The following AZIN1 variants were observed in gnomAD, a reference collection of about 807,000 sequenced individuals.
The protein encoded by AZIN1 is ornithine decarboxylase antizyme inhibitor.
In AZIN1, 12 loss-of-function variants were observed where a neutral mutation model predicts 47.4. The ratio of observed to expected loss-of-function variants is 0.25; its 90% CI spans 0.16 to 0.41. AZIN1 has a LOEUF of 0.41. AZIN1 is among the 10% of genes least tolerant of loss of function. The probability of loss-of-function intolerance (pLI) is 1.00; values close to 1 mark genes in which losing one functional copy is unlikely to be tolerated. For missense variants in AZIN1, 410 were observed against 532.4 expected (o/e 0.77, Z 2.26); for synonymous variants, 155 against 176.3 (o/e 0.88, Z 0.96).
At chr8:102,839,534 A>T in intron 4 of AZIN1, 116 bp downstream of exon 4, 1 of 697,684 alleles carries the variant, frequency 1.4e-6, no homozygotes, top group Non-Finnish European at 2.1e-6. Flanking sequence ...TTAAACAATT[A>T]TTTTGAAACT....
chr8:102,855,736 T>C (rs1813241309), intron 2 of AZIN1: 1 of 152,216 alleles, frequency 6.6e-6, no homozygotes. Context: ...TTTCAAATAA[T>C]ATTGTTGATC....
At chr8:102,843,063 CG>C (rs1563539666) in intron 3 of AZIN1, among the ~76,000 whole-genome samples, 1 of 151,616 alleles carries the variant, frequency 6.6e-6, no homozygotes, top group Non-Finnish European at 1.5e-5. Flanking sequence ...AAAAATTAGC[CG>C]GGTGTGGTGG....
chr8:102,841,414 A>G (rs890569691), intron 3 of AZIN1, among the ~76,000 whole-genome samples: 5 of 152,198 alleles, frequency 3.3e-5, no homozygotes, highest in African/African-American at 1.2e-4. Context: ...GGAATATTTC[A>G]AAGATTATAT....
intron 2 of AZIN1, among the ~76,000 whole-genome samples, chr8:102,856,246 GAGA>G (rs1391276258): frequency 2.0e-5 from 3 of 152,118 alleles, no homozygotes; most frequent in East Asian, 3.8e-4. Context: ...CATGCAAAAT[GAGA>G]AGATTACATG....
intron 4 of AZIN1, among the ~76,000 whole-genome samples, chr8:102,839,138 G>A (rs189305016): frequency 4.9e-4 from 75 of 152,248 alleles, no homozygotes; most frequent in East Asian, 1.5e-3. Flanking sequence ...ACGAGTACAG[G>A]TATGAGTCAC....
chr8:102,846,496 C>G (rs1812577235), intron 2 of AZIN1, among the ~76,000 whole-genome samples: 1 of 152,124 alleles, frequency 6.6e-6, no homozygotes, highest in African/African-American at 2.4e-5. Context: ...CCCTTAAAAC[C>G]ACAATGACGG....
chr8:102,859,234 T>C (rs1813477117), intron 1 of AZIN1: 1 of 152,202 alleles, frequency 6.6e-6, no homozygotes, highest in African/African-American at 2.4e-5. Flanking sequence ...AGATTCCAAA[T>C]AATGTACTAC....
Position 102,833,270 on chromosome 8 carries a change from G to T in AZIN1, c.742-52C>A, listed in dbSNP as rs551575367. On this transcript the variant is annotated intron_variant, in intron 8 of 11. Transcript: ENST00000337198. ...GTTTCAATATTGGATTAGATAATTC[G>T]CAATATTCAGAGATTGATATTAACA... 8 of 1,521,454 alleles carry T rather than the reference G, an allele frequency of 5.3e-6. No individual in the cohort carries two copies. In the Admixed American group the frequency reaches 1.5e-4, roughly 29 times the overall value. The allele number at this position is 1,521,454 out of a possible 1,614,324, so 94.2% of individuals were successfully genotyped here.
intron 2 of AZIN1, among the ~76,000 whole-genome samples, chr8:102,852,659 TG>T (rs1202730287): frequency 2.6e-5 from 4 of 152,322 alleles, no homozygotes; most frequent in African/African-American, 9.6e-5. Flanking sequence ...TCATGATGGC[TG>T]GCTATGGCCT....
chr8:102,839,069 G>A (rs939421781), intron 4 of AZIN1, among the ~76,000 whole-genome samples, 153 bp from the exon 5 acceptor site: 3 of 151,660 alleles, frequency 2.0e-5, no homozygotes, highest in African/African-American at 7.2e-5. Context: ...ATAGCTCAAT[G>A]CAGCCTCCAT....
At chr8:102,835,782 G>T (rs1165201679) in intron 6 of AZIN1, among the ~76,000 whole-genome samples, 1 of 152,212 alleles carries the variant, frequency 6.6e-6, no homozygotes, top group East Asian at 1.9e-4. Context: ...TACTATGCCT[G>T]TAATTAGTTC....
chr8:102,849,111 T>C (rs764563883), intron 2 of AZIN1, among the ~76,000 whole-genome samples: 16 of 152,026 alleles, frequency 1.1e-4, no homozygotes, highest in Non-Finnish European at 1.9e-4. Flanking sequence ...CTGGCCAACA[T>C]GGTGAAACTT....
chr8:102,836,207 T>C, intron 6 of AZIN1, 49 bp downstream of exon 6: 1 of 1,567,098 alleles, frequency 6.4e-7, no homozygotes, highest in South Asian at 1.2e-5. Context: ...AAAGACAGGT[T>C]ACCACCATAA....
In AZIN1 at chr8:102,827,468, A is replaced by G. The variant is rs561446385; in HGVS notation, c.*1099T>C. On this transcript the variant is annotated 3_prime_UTR_variant, in exon 12 of 12. Coordinates refer to ENST00000337198, the MANE Select transcript of AZIN1 (RefSeq NM_148174.4). The stretch of plus-strand genomic sequence containing the variant: ...TTTGAAATCACTGCAACTGAAGATA[A>G]TAAGTGTGCTTCACCCCAACCCCCA... The G allele has an allele frequency of 7.2e-5, 11 of 152,320 alleles. No homozygotes were observed. Among genetic ancestry groups the G allele is most frequent in the South Asian group, 4.1e-4 (2 of 4,822 alleles). The allele number at this position is 152,320 out of a possible 1,614,324, so 9.4% of individuals were successfully genotyped here. A position where few individuals can be genotyped will look rare whatever the true frequency, so the allele number is the denominator to read the frequency against.
intron 4 of AZIN1, 136 bp from the exon 5 acceptor site, chr8:102,839,052 C>G (rs921670247): frequency 6.0e-5 from 45 of 752,190 alleles, no homozygotes; most frequent in Non-Finnish European, 8.9e-5. Context: ...AGTGCAATAG[C>G]ACAATCATAG....
chr8:102,830,949 T>A (rs1811417995), intron 9 of AZIN1, among the ~76,000 whole-genome samples: 1 of 152,126 alleles, frequency 6.6e-6, no homozygotes, highest in Non-Finnish European at 1.5e-5. Flanking sequence ...GATCAATAGA[T>A]CCTCTCACCT....
chr8:102,858,348 A>G (rs1586209545), intron 1 of AZIN1, among the ~76,000 whole-genome samples, 198 bp from the exon 2 acceptor site: 1 of 152,350 alleles, frequency 6.6e-6, no homozygotes, highest in African/African-American at 2.4e-5. Flanking sequence ...GCTGCTATAA[A>G]AAATTCACAG....
At chr8:102,847,350 T>TAAAAAA (rs34083752) in intron 2 of AZIN1, among the ~76,000 whole-genome samples, 1 of 133,742 alleles carries the variant, frequency 7.5e-6, no homozygotes. Context: ...ACCCATCTCT[T>TAAAAAA]AAAAAAAAAA....
At chr8:102,836,214 A>G (rs778744979) in intron 6 of AZIN1, 42 bp downstream of exon 6, 2 of 1,586,424 alleles carry the variant, frequency 1.3e-6, no homozygotes, top group Non-Finnish European at 8.6e-7. Flanking sequence ...GGTTACCACC[A>G]TAAAATGTTC....
Sources: gnomAD v4.1 joint callset for allele counts (sites outside exome capture counted in the v4.1 genomes callset) on GRCh38, gnomAD v4.1.1 for gene constraint, MANE v1.5 for transcripts, NCBI Gene and HGNC (gene_info 2026-07-23, HGNC 2026-07-21) for gene names.